The following JAM3 variants were observed in gnomAD, a reference collection of about 807,000 sequenced individuals.
The protein encoded by JAM3 is junctional adhesion molecule 3, also known as junctional adhesion molecule C.
Under a neutral mutation model 39.4 loss-of-function variants are expected in JAM3, and 31 were observed. That is an observed-to-expected ratio of 0.79 (90% confidence interval 0.59 to 1.06). The LOEUF (loss-of-function observed/expected upper bound fraction) is 1.06, where lower values mean the gene tolerates loss of function less well. JAM3 is among the 50% of genes least tolerant of loss of function. The probability of loss-of-function intolerance (pLI) is 0.00; values close to 1 mark genes in which losing one functional copy is unlikely to be tolerated. For missense variants in JAM3, 455 were observed against 391.4 expected, an observed-to-expected ratio of 1.16 and a Z score of -1.37; for synonymous variants, 182 against 148.7, an observed-to-expected ratio of 1.22 and a Z score of -1.63.
intron 1 of JAM3, among the ~76,000 whole-genome samples, chr11:134,087,432 A>G (rs1036572792): frequency 2.0e-5 from 3 of 152,234 alleles, no homozygotes; most frequent in Admixed American, 6.5e-5. Context: ...CTTGTGGATT[A>G]TATTCATATT....
chr11:134,144,532 A>T, intron 4 of JAM3, 139 bp downstream of exon 4: 1 of 1,080,864 alleles, frequency 9.3e-7, no homozygotes, highest in Admixed American at 1.8e-5. Context: ...GAGAGCTGAG[A>T]CTGCCTGAGT....
At chr11:134,094,170 T>A (rs895602784) in intron 1 of JAM3, among the ~76,000 whole-genome samples, 8 of 145,078 alleles carry the variant, frequency 5.5e-5, no homozygotes, top group Admixed American at 4.1e-4. Context: ...GAGGGAAACT[T>A]CTCCTGAACC....
intron 1 of JAM3, among the ~76,000 whole-genome samples, chr11:134,113,966 T>G (rs1383625128): frequency 1.3e-5 from 2 of 152,216 alleles, no homozygotes; most frequent in African/African-American, 4.8e-5. Context: ...TTTCTTCATG[T>G]GTCTTTTGGC....
intron 1 of JAM3, among the ~76,000 whole-genome samples, chr11:134,139,140 A>G (rs1405644290): frequency 1.3e-5 from 2 of 152,214 alleles, no homozygotes; most frequent in African/African-American, 4.8e-5. Context: ...TTTTGAGACC[A>G]TGGTAAACAG....
intron 1 of JAM3, among the ~76,000 whole-genome samples, chr11:134,113,834 C>T (rs1244449524): frequency 1.3e-5 from 2 of 152,210 alleles, no homozygotes; most frequent in Non-Finnish European, 2.9e-5. Flanking sequence ...TCCTGTTTCT[C>T]CACATCCTCT....
chr11:134,101,617 T>A (rs191995353), intron 1 of JAM3, among the ~76,000 whole-genome samples: 3 of 152,346 alleles, frequency 2.0e-5, no homozygotes, highest in Admixed American at 2.0e-4. Flanking sequence ...CCTTTGTGCC[T>A]TTGTAATGAT....
At chr11:134,145,184 A>T (rs542799592) in intron 5 of JAM3, 190 bp downstream of exon 5, 1 of 629,168 alleles carries the variant, frequency 1.6e-6, no homozygotes, top group African/African-American at 1.8e-5. Context: ...CTTAGGGGGT[A>T]AAATAAGGAA....
intron 1 of JAM3, among the ~76,000 whole-genome samples, chr11:134,093,615 C>A (rs1276282970): frequency 8.3e-6 from 1 of 121,172 alleles, no homozygotes; most frequent in Admixed American, 7.9e-5. Flanking sequence ...TTCCACCTTA[C>A]ATCTTATTCG....
chr11:134,107,495 TAGTC>T (rs1942216937), intron 1 of JAM3, among the ~76,000 whole-genome samples: 1 of 151,598 alleles, frequency 6.6e-6, no homozygotes, highest in Non-Finnish European at 1.5e-5. Context: ...TATATATAAA[TAGTC>T]AAAAAAAAGT....
At chr11:134,139,663 G>A (rs1482226547) in intron 1 of JAM3, 188 bp from the exon 2 acceptor site, 12 of 624,218 alleles carry the variant, frequency 1.9e-5, no homozygotes, top group Non-Finnish European at 3.2e-5. Context: ...GCTCCTTCCA[G>A]TGAAGGTCAG....
chr11:134,105,536 C>T (rs539276246), intron 1 of JAM3, among the ~76,000 whole-genome samples: 6 of 152,130 alleles, frequency 3.9e-5, no homozygotes, highest in East Asian at 1.9e-4. Context: ...AAAGGGTATT[C>T]AATTAGGAAA....
intron 1 of JAM3, among the ~76,000 whole-genome samples, chr11:134,082,514 G>A (rs1006481841): frequency 2.0e-5 from 3 of 152,126 alleles, no homozygotes; most frequent in Non-Finnish European, 2.9e-5. Context: ...GGTCTTTCTT[G>A]TGCTGTTCTC....
chr11:134,124,963 C>T (rs893438674), intron 1 of JAM3, among the ~76,000 whole-genome samples: 5 of 152,244 alleles, frequency 3.3e-5, no homozygotes, highest in African/African-American at 1.2e-4. Flanking sequence ...CGCCCCTCTC[C>T]TCAGTTACCT....
intron 1 of JAM3, among the ~76,000 whole-genome samples, chr11:134,093,972 C>G (rs1237061541): frequency 2.2e-4 from 27 of 121,666 alleles, no homozygotes; most frequent in East Asian, 8.4e-4. Flanking sequence ...CCTTAAATGT[C>G]ACTTCCTGAG....
chr11:134,144,446 G>A, intron 4 of JAM3, 53 bp downstream of exon 4: 3 of 1,598,848 alleles, frequency 1.9e-6, no homozygotes, highest in Admixed American at 1.7e-5. Context: ...CAAGAGATCA[G>A]TTAGTGTCTT....
intron 1 of JAM3, among the ~76,000 whole-genome samples, chr11:134,116,819 A>G (rs1358915942): frequency 2.6e-5 from 4 of 152,132 alleles, no homozygotes; most frequent in South Asian, 2.1e-4. Flanking sequence ...CTCTATTTGT[A>G]TCTATGTTAA....
intron 1 of JAM3, among the ~76,000 whole-genome samples, chr11:134,092,531 A>G (rs1350052186): frequency 5.5e-5 from 8 of 145,654 alleles, no homozygotes; most frequent in Middle Eastern, 3.6e-3. Context: ...TTTATTCATC[A>G]TGTTCCACCT....
intron 1 of JAM3, among the ~76,000 whole-genome samples, chr11:134,074,018 A>G (rs1941524584): frequency 6.6e-6 from 1 of 152,232 alleles, no homozygotes; most frequent in South Asian, 2.1e-4. Context: ...TCTTTCTGCC[A>G]TCTGCTTTTG....
At position 134,145,961 on chromosome 11, in the gene JAM3, C is replaced by A. The variant is rs1268886040; in HGVS notation, c.628C>A (p.His210Asn). ...CCTGAAACAGGTGTTCACTGCTGTT[C>A]ACAAGGACGACTCTGGGCAGTACTA... ...ETGTLVFTAVHKDDSGQYYCI... is the reference protein window; with the variant it reads ...ETGTLVFTAVNKDDSGQYYCI... The change falls in exon 6 of 9, where the codon CAC becomes AAC. Residue 210 changes from histidine (H) to asparagine (N), a missense_variant. By Grantham distance (68) the His-to-Asn change is moderately conservative (BLOSUM62 1). Transcript: ENST00000299106. The A allele has an allele frequency of 9.9e-6, 16 of 1,613,364 alleles. No individual in the cohort carries two copies. The highest frequency in any genetic ancestry group is 2.7e-5 in the African/African-American group (2 of 75,012).
Sources: allele counts gnomAD v4.1 joint callset (sites outside exome capture counted in the v4.1 genomes callset), GRCh38; gene constraint gnomAD v4.1.1; transcripts MANE v1.5; gene names NCBI Gene and HGNC (gene_info 2026-07-23, HGNC 2026-07-21).